TENM3: variants seen among roughly 807,000 people sequenced by gnomAD.
TENM3 encodes teneurin transmembrane protein 3.
In TENM3, 63 loss-of-function variants were observed where a neutral mutation model predicts 255.1. That is an observed-to-expected ratio of 0.25 (90% CI 0.20 to 0.30). The LOEUF is 0.30. TENM3 is among the 10% of genes least tolerant of loss of function. The pLI is 1.00. For missense variants in TENM3, 2,929 were observed against 3,461.1 expected, an observed-to-expected ratio of 0.85 and a Z score of 3.86; for synonymous variants, 1,306 against 1,322.3, an observed-to-expected ratio of 0.99 and a Z score of 0.27.
the TENM3 span, among the ~76,000 whole-genome samples, chr4:182,113,090 A>C: frequency 2.0e-5 from 3 of 152,368 alleles, no homozygotes; most frequent in East Asian, 5.8e-4. Context: ...ATTTATACTT[A>C]TAAAAAGCTG....
At chr4:182,357,990 C>T (rs1464765794) in intron 3 of TENM3, among the ~76,000 whole-genome samples, 1 of 149,772 alleles carries the variant, frequency 6.7e-6, no homozygotes, top group Non-Finnish European at 1.5e-5. Flanking sequence ...TTCCCCATTG[C>T]TCGTTTTTCT....
chr4:181,551,627 T>C, the TENM3 span, among the ~76,000 whole-genome samples: 26,351 of 151,964 alleles, frequency 0.17, 2,901 homozygotes, highest in African/African-American at 0.31. Context: ...GTCAGGGATA[T>C]AGGGCAATCG....
intron 3 of TENM3, among the ~76,000 whole-genome samples, chr4:182,532,278 T>G (rs1050171893): frequency 3.3e-5 from 5 of 152,176 alleles, no homozygotes; most frequent in Non-Finnish European, 7.3e-5. Context: ...CCATTTCTGG[T>G]AATAAAACCT....
At chr4:182,047,662 A>G in the TENM3 span, among the ~76,000 whole-genome samples, 1 of 152,066 alleles carries the variant, frequency 6.6e-6, no homozygotes, top group East Asian at 1.9e-4. Flanking sequence ...ATGGCTTTGA[A>G]TAACCAACAC....
At chr4:182,282,201 G>A (rs4461556) in intron 1 of TENM3, among the ~76,000 whole-genome samples, 17,332 of 152,180 alleles carry the variant, frequency 0.11, 1,117 homozygotes, top group Middle Eastern at 0.21. Context: ...TTGATGAAAA[G>A]TCAAGAAGTC....
At chr4:181,987,918 C>T in the TENM3 span, among the ~76,000 whole-genome samples, 1 of 151,514 alleles carries the variant, frequency 6.6e-6, no homozygotes, top group Non-Finnish European at 1.5e-5. Flanking sequence ...ATCGTTGGCA[C>T]AAAGCAGAGA....
intron 24 of TENM3, among the ~76,000 whole-genome samples, chr4:182,782,350 T>C (rs1765240402): frequency 7.6e-6 from 1 of 131,514 alleles, no homozygotes; most frequent in Non-Finnish European, 1.5e-5. Flanking sequence ...TCAGTTTCCA[T>C]GTAGTTGAGC....
chr4:182,468,061 G>A (rs140462388), intron 3 of TENM3, among the ~76,000 whole-genome samples: 2 of 152,230 alleles, frequency 1.3e-5, no homozygotes, highest in African/African-American at 4.8e-5. Flanking sequence ...ATATGAATAG[G>A]CATTACATTT....
chr4:182,689,345 G>A (rs1480580487), intron 12 of TENM3, among the ~76,000 whole-genome samples: 2 of 151,936 alleles, frequency 1.3e-5, no homozygotes, highest in African/African-American at 4.8e-5. Context: ...TCGCTTTTTT[G>A]CTCACAGGAT....
intron 3 of TENM3, among the ~76,000 whole-genome samples, chr4:182,547,423 G>A (rs1741555176): frequency 6.6e-6 from 1 of 152,054 alleles, no homozygotes; most frequent in African/African-American, 2.4e-5. Context: ...AAAATAGTGA[G>A]CCTGTATACT....
intron 3 of TENM3, among the ~76,000 whole-genome samples, chr4:182,558,166 A>G (rs560571975): frequency 6.6e-6 from 1 of 152,320 alleles, no homozygotes; most frequent in South Asian, 2.1e-4. Flanking sequence ...AAGAATGGGA[A>G]TAGCCCTGCC....
intron 13 of TENM3, among the ~76,000 whole-genome samples, chr4:182,715,673 A>G (rs1759099674): frequency 6.6e-6 from 1 of 152,138 alleles, no homozygotes. Flanking sequence ...CTATACCTAT[A>G]GAGGGCCTCA....
chr4:182,102,832 G>A, the TENM3 span, among the ~76,000 whole-genome samples: 1 of 152,178 alleles, frequency 6.6e-6, no homozygotes, highest in Non-Finnish European at 1.5e-5. Flanking sequence ...CCCAGGGTTA[G>A]TGGGAGGATT....
At position 182,333,874 on chromosome 4, in the gene TENM3, C is replaced by T. The variant is rs190715675; in HGVS notation, c.232+9622C>T. Among the ~76,000 whole-genome samples, 4 of 152,106 alleles carry T rather than the reference C, an allele frequency of 2.6e-5. No individual in the cohort carries two copies. In the East Asian group the frequency reaches 7.7e-4, roughly 29 times the overall value. On this transcript the variant is annotated intron_variant, in intron 2 of 27. Transcript: ENST00000511685. ...AGTGAATTTGGTATTTGGATGAATA[C>T]AAAATAAATATATGGACAGTGTAGA...
the TENM3 span, among the ~76,000 whole-genome samples, chr4:181,782,058 A>G: frequency 2.0e-5 from 3 of 152,150 alleles, no homozygotes; most frequent in East Asian, 5.8e-4. Context: ...GATGTTCATC[A>G]GGGATATTGG....
At chr4:182,370,317 A>G (rs538838970) in intron 3 of TENM3, among the ~76,000 whole-genome samples, 2 of 152,296 alleles carry the variant, frequency 1.3e-5, no homozygotes, top group South Asian at 2.1e-4. Context: ...TATCATGTCT[A>G]TGACAAATAG....
chr4:182,362,745 G>C (rs1766113294), intron 3 of TENM3, among the ~76,000 whole-genome samples: 1 of 152,122 alleles, frequency 6.6e-6, no homozygotes, highest in Admixed American at 6.5e-5. Flanking sequence ...TGCGCCCACT[G>C]TCTGGCACTC....
intron 1 of TENM3, among the ~76,000 whole-genome samples, chr4:182,269,454 A>G (rs1305912798): frequency 1.3e-5 from 2 of 152,214 alleles, no homozygotes; most frequent in Non-Finnish European, 2.9e-5. Context: ...GACTCTCTAA[A>G]TGCTGTTGAG....
At chr4:181,598,498 A>AT in the TENM3 span, among the ~76,000 whole-genome samples, 1 of 152,094 alleles carries the variant, frequency 6.6e-6, no homozygotes, top group African/African-American at 2.4e-5. Flanking sequence ...TCCTCTTTAG[A>AT]TTTTTTTAAT....
Sources: allele counts gnomAD v4.1 joint callset (sites outside exome capture counted in the v4.1 genomes callset), GRCh38; gene constraint gnomAD v4.1.1; transcripts MANE v1.5; gene names NCBI Gene and HGNC (gene_info 2026-07-23, HGNC 2026-07-21).